EPB41: variants seen among roughly 807,000 people sequenced by gnomAD.
The protein encoded by EPB41 is protein 4.1.
EPB41 carries 65 observed loss-of-function variants against 108.0 expected under a neutral mutation model. The ratio of observed to expected loss-of-function variants is 0.60; its 90% CI spans 0.49 to 0.74. The LOEUF is 0.74. Ranked by LOEUF, EPB41 falls within the 30% of genes least tolerant of loss-of-function variation. EPB41 has a pLI of 0.00. For missense variants in EPB41, 875 were observed against 1,037.0 expected, an observed-to-expected ratio of 0.84 and a Z score of 2.15; for synonymous variants, 336 against 358.9, an observed-to-expected ratio of 0.94 and a Z score of 0.72.
chr1:29,061,572 G>GTTGTTTTTTTTTTT lies in EPB41; in HGVS notation c.2007+1090_2007+1091insGTTTTTTTTTTTTT, dbSNP rs1646544018. 4.7e-5 allele frequency among the ~76,000 whole-genome samples: 3 copies of GTTGTTTTTTTTTTT among 64,036 alleles called. No homozygotes were observed. The East Asian group carries it at 1.8e-3, about 38-fold the overall frequency. The allele number at this position is 64,036 out of a possible 152,430, so 42.0% of individuals were successfully genotyped here. The stretch of plus-strand genomic sequence containing the variant: ...GCGTGAGCCACTGCGCCTGGCCTTT[G>GTTGTTTTTTTTTTT]TTTTTTTTTTTTTTTTTTTTTTTTT... On this transcript the variant is annotated intron_variant, in intron 15 of 20. Coordinates refer to ENST00000343067, the MANE Select transcript of EPB41 (RefSeq NM_001376013.1).
At chr1:28,928,608 C>T (rs2093580747) in intron 1 of EPB41, among the ~76,000 whole-genome samples, 6 of 152,214 alleles carry the variant, frequency 3.9e-5, no homozygotes, top group Admixed American at 3.9e-4. Flanking sequence ...TTCTTTTAAG[C>T]TTAATGCCAT....
intron 11 of EPB41, among the ~76,000 whole-genome samples, 178 bp downstream of exon 11, chr1:29,039,604 G>A (rs916064449): frequency 2.0e-5 from 3 of 152,126 alleles, no homozygotes; most frequent in Non-Finnish European, 2.9e-5. Flanking sequence ...CCTGAGCTCA[G>A]GAGTTTGAGA....
At chr1:29,057,389 A>G (rs187120575) in intron 12 of EPB41, among the ~76,000 whole-genome samples, 3,564 of 150,466 alleles carry the variant, frequency 0.024, 154 homozygotes, top group African/African-American at 0.083. Flanking sequence ...AAAAAAAAAA[A>G]AAAAAAAGAA....
chr1:28,889,888 C>T (rs906226850), intron 1 of EPB41: 1 of 966,890 alleles, frequency 1.0e-6, no homozygotes, highest in African/African-American at 1.8e-5. Flanking sequence ...ACAGAGGGCT[C>T]ACCACAGAGT....
chr1:29,010,111 C>T (rs1292214156), intron 4 of EPB41, among the ~76,000 whole-genome samples: 1 of 152,002 alleles, frequency 6.6e-6, no homozygotes, highest in Non-Finnish European at 1.5e-5. Context: ...CCGAGGTGGG[C>T]AGATCACTTG....
At chr1:28,991,242 A>G (rs867049723) in intron 2 of EPB41, among the ~76,000 whole-genome samples, 11 of 150,514 alleles carry the variant, frequency 7.3e-5, no homozygotes, top group South Asian at 4.2e-4. Flanking sequence ...ATAGGATTGT[A>G]CCAGTCTTCA....
At position 29,033,210 on chromosome 1, in the gene EPB41, C is replaced by T. The variant is rs773241645; in HGVS notation, c.1330C>T (p.Arg444Cys). The T allele has an allele frequency of 6.2e-7, 1 of 1,613,892 alleles. No homozygotes were observed. The highest frequency in any genetic ancestry group is 8.5e-7 in the Non-Finnish European group (1 of 1,179,902). Residue 444 changes from arginine to cysteine, a missense_variant, in exon 9 of 21, where the codon CGT becomes TGT. This residue lies in a region of EPB41 where 519 missense variants were observed against 627.3 expected (regional missense o/e 0.83). Coordinates refer to ENST00000343067, the MANE Select transcript of EPB41 (RefSeq NM_001376013.1). ...WPKVLKISYKRSSFFIKIRPG... is the reference protein window; with the variant it reads ...WPKVLKISYKCSSFFIKIRPG... ...CAAAGTGCTGAAGATTTCTTATAAA[C>T]GTAGTAGCTTTTTCATCAAGATTCG...
intron 17 of EPB41, among the ~76,000 whole-genome samples, chr1:29,100,635 A>G (rs1402271917): frequency 1.4e-5 from 2 of 146,528 alleles, no homozygotes; most frequent in South Asian, 2.1e-4. Flanking sequence ...TTTTATATAT[A>G]TATAAATAAA....
At chr1:29,027,243 A>G (rs1412204273) in intron 7 of EPB41, among the ~76,000 whole-genome samples, 1 of 151,994 alleles carries the variant, frequency 6.6e-6, no homozygotes, top group Admixed American at 6.6e-5. Context: ...CAAGCAATCT[A>G]CCTGCCTCAG....
intron 5 of EPB41, 97 bp from the exon 6 acceptor site, chr1:29,015,595 G>T: frequency 1.2e-6 from 1 of 819,286 alleles, no homozygotes; most frequent in Non-Finnish European, 2.0e-6. Context: ...AAAAAAGAAA[G>T]AAAAAGAAAA....
intron 8 of EPB41, among the ~76,000 whole-genome samples, chr1:29,031,545 G>T (rs2096789284): frequency 6.6e-6 from 1 of 152,138 alleles, no homozygotes; most frequent in Non-Finnish European, 1.5e-5. Flanking sequence ...CTAGGAACTT[G>T]TTAGAAATGC....
At chr1:28,912,745 A>G (rs1403695232), upstream of EPB41, among the ~76,000 whole-genome samples, 1 of 151,682 alleles carries the variant, frequency 6.6e-6, no homozygotes, top group Non-Finnish European at 1.5e-5. Context: ...ACCTCCGAGA[A>G]TAACTGAGAT....
intron 1 of EPB41, among the ~76,000 whole-genome samples, chr1:28,933,785 G>C (rs568179045): frequency 2.6e-5 from 4 of 152,090 alleles, no homozygotes; most frequent in African/African-American, 9.6e-5. Flanking sequence ...GTCATGTTGG[G>C]CAAAGCAAGA....
intron 1 of EPB41, among the ~76,000 whole-genome samples, chr1:28,941,895 A>C (rs2094302875): frequency 2.9e-5 from 2 of 70,042 alleles, no homozygotes; most frequent in Admixed American, 3.2e-4. Flanking sequence ...GCTCTGTCTC[A>C]AAAAAAAAAA....
chr1:29,064,447 A>G (rs1647010922), intron 15 of EPB41, among the ~76,000 whole-genome samples: 1 of 152,224 alleles, frequency 6.6e-6, no homozygotes, highest in Non-Finnish European at 1.5e-5. Flanking sequence ...CCACCTAGTA[A>G]TAGAGAAGTA....
chr1:29,007,450 G>C (rs2985329), intron 4 of EPB41, among the ~76,000 whole-genome samples: 26,929 of 152,094 alleles, frequency 0.18, 2,876 homozygotes, highest in East Asian at 0.47. Flanking sequence ...CAGCTTTAGT[G>C]ATACTATCAA....
intron 16 of EPB41, chr1:29,096,428 G>A (rs1663246097): frequency 1.0e-6 from 1 of 985,796 alleles, no homozygotes; most frequent in Non-Finnish European, 1.2e-6. Flanking sequence ...GGAGGAACAG[G>A]CCAGTGCCTT....
intron 16 of EPB41, among the ~76,000 whole-genome samples, chr1:29,085,835 A>G (rs1167441435): frequency 6.6e-6 from 1 of 152,204 alleles, no homozygotes; most frequent in Non-Finnish European, 1.5e-5. Flanking sequence ...TAAAGGCGTG[A>G]ACCACCTCAC....
chr1:28,925,123 G>A (rs2093367897), intron 1 of EPB41, among the ~76,000 whole-genome samples: 1 of 152,012 alleles, frequency 6.6e-6, no homozygotes, highest in African/African-American at 2.4e-5. Flanking sequence ...CCACCACCAT[G>A]CCCGGCTAAT....
Sources: allele counts gnomAD v4.1 joint callset (sites outside exome capture counted in the v4.1 genomes callset), GRCh38; gene constraint gnomAD v4.1.1; regional missense constraint gnomAD v4.1.1; transcripts MANE v1.5; gene names NCBI Gene and HGNC (gene_info 2026-07-23, HGNC 2026-07-21).